Variants in SLC4A10 observed in about 807,000 individuals in gnomAD.
The protein encoded by SLC4A10 is sodium-driven chloride bicarbonate exchanger.
In SLC4A10, 42 loss-of-function variants were observed where a neutral mutation model predicts 137.7. The ratio of observed to expected loss-of-function variants is 0.30; its 90% confidence interval spans 0.24 to 0.39. The LOEUF (loss-of-function observed/expected upper bound fraction) is 0.39. Among genes scored for constraint, SLC4A10 ranks in the 10% least tolerant of loss-of-function variants. SLC4A10 has a pLI of 1.00. For synonymous variants in SLC4A10, 474 were observed against 464.1 expected (o/e 1.02, Z -0.27); for missense variants, 925 against 1,355.0 (o/e 0.68, Z 4.98).
chr2:161,790,376 C>T (rs958950421), intron 2 of SLC4A10, among the ~76,000 whole-genome samples: 5 of 152,080 alleles, frequency 3.3e-5, no homozygotes, highest in African/African-American at 9.7e-5. Flanking sequence ...TTATAATTTC[C>T]TTATTTCAAA....
chr2:161,752,155 T>C (rs971282), intron 1 of SLC4A10, among the ~76,000 whole-genome samples: 364 of 152,156 alleles, frequency 2.4e-3, no homozygotes, highest in African/African-American at 7.9e-3. Context: ...AAAAAGGAAG[T>C]ACATCTTGTG....
Position 161,965,179 on chromosome 2 carries a change from A to C in SLC4A10, c.3159+6A>C, listed in dbSNP as rs771508816. On this transcript the variant is annotated splice_donor_region_variant and intron_variant, in intron 23 of 26. Coordinates refer to ENST00000446997, the MANE Select transcript of SLC4A10 (RefSeq NM_001178015.2). ...TGGAAGATGCTGAAAAAGAAGTAAG[A>C]GCAAAATCAATGTTTTATAAAGAAA... 6 of 1,602,414 alleles carry C rather than the reference A, an allele frequency of 3.7e-6. No individual in the cohort carries two copies. In the African/African-American group the frequency reaches 6.7e-5, roughly 18 times the overall value.
At chr2:161,785,716 A>G (rs531341968) in intron 2 of SLC4A10, among the ~76,000 whole-genome samples, 58 of 152,000 alleles carry the variant, frequency 3.8e-4, no homozygotes, top group Admixed American at 1.0e-3. Context: ...ATATATGACA[A>G]TCCTACAGTT....
chr2:161,970,064 A>ATG (rs1351408652), intron 23 of SLC4A10, among the ~76,000 whole-genome samples: 4 of 152,322 alleles, frequency 2.6e-5, no homozygotes, highest in African/African-American at 9.6e-5. Context: ...GGATGGGGCC[A>ATG]ACCATCTCTG....
intron 1 of SLC4A10, among the ~76,000 whole-genome samples, chr2:161,699,629 T>C (rs186021885): frequency 1.3e-5 from 2 of 152,132 alleles, no homozygotes; most frequent in Non-Finnish European, 2.9e-5. Flanking sequence ...AAAGACAAGA[T>C]TAAGCCTAAA....
intron 2 of SLC4A10, among the ~76,000 whole-genome samples, chr2:161,801,366 T>C (rs563882766): frequency 6.6e-6 from 1 of 152,170 alleles, no homozygotes; most frequent in East Asian, 1.9e-4. Flanking sequence ...TTAATATATA[T>C]ATATTTTTGC....
intron 1 of SLC4A10, among the ~76,000 whole-genome samples, chr2:161,678,471 C>T (rs7603929): frequency 0.92 from 140,549 of 152,182 alleles, 64,942 homozygotes; most frequent in East Asian, 1. Flanking sequence ...TTTAAAAACT[C>T]TTATTGAGCT....
chr2:161,807,262 C>G (rs145422876), intron 3 of SLC4A10, among the ~76,000 whole-genome samples: 1 of 152,218 alleles, frequency 6.6e-6, no homozygotes, highest in East Asian at 1.9e-4. Context: ...CAAATGTGAA[C>G]CTTTTACTAT....
rs894493561 is a variant in SLC4A10 at position 161,774,857 on chromosome 2, A to G, written c.130+3803A>G. 2.0e-5 allele frequency among the ~76,000 whole-genome samples: 3 copies of G among 152,014 alleles called. No individual in the cohort carries two copies. The East Asian group carries it at 5.8e-4, about 30-fold the overall frequency. On this transcript the variant is annotated intron_variant, in intron 2 of 26. Coordinates refer to ENST00000446997, the MANE Select transcript of SLC4A10 (RefSeq NM_001178015.2). ...TATCTTCAACAGACTCCCTCAACAC[A>G]TATCTCAGAATCTGTTTCCTAGGAA...
intron 3 of SLC4A10, among the ~76,000 whole-genome samples, chr2:161,815,922 A>G (rs1352074512): frequency 6.6e-6 from 1 of 152,220 alleles, no homozygotes; most frequent in Middle Eastern, 3.4e-3. Flanking sequence ...CTTCAGTGAC[A>G]TTTAGACCTA....
At chr2:161,933,186 TCTTTCTTTCTTTCTTTCTTTCTTTCTTTC>T (rs1690791291) in intron 15 of SLC4A10, among the ~76,000 whole-genome samples, 1 of 29,164 alleles carries the variant, frequency 3.4e-5, no homozygotes. Context: ...TTCCTTCTTT[TCTTTCTTTCTTTCTTTCTTTCTTTCTTTC>T]TTTCTTTCTT....
chr2:161,813,306 C>T (rs1319669335), intron 3 of SLC4A10, among the ~76,000 whole-genome samples: 3 of 152,050 alleles, frequency 2.0e-5, no homozygotes, highest in Non-Finnish European at 4.4e-5. Context: ...TGTCAGTATG[C>T]TCCATGTTTC....
At chr2:161,768,635 A>T (rs1395025931) in intron 1 of SLC4A10, among the ~76,000 whole-genome samples, 2 of 151,878 alleles carry the variant, frequency 1.3e-5, no homozygotes, top group African/African-American at 4.8e-5. Context: ...TTTTTCTTCT[A>T]CAGATCATAT....
At chr2:161,813,010 T>C (rs766637231) in intron 3 of SLC4A10, among the ~76,000 whole-genome samples, 1 of 152,090 alleles carries the variant, frequency 6.6e-6, no homozygotes, top group Non-Finnish European at 1.5e-5. Flanking sequence ...TTTCATCCTA[T>C]TTTCTTTACA....
At chr2:161,804,646 G>A in intron 3 of SLC4A10, 51 bp downstream of exon 3, 1 of 1,496,262 alleles carries the variant, frequency 6.7e-7, no homozygotes, top group Non-Finnish European at 9.0e-7. Context: ...TAATATACTT[G>A]CTTATACAAT....
chr2:161,630,930 C>T (rs62187655), intron 1 of SLC4A10, among the ~76,000 whole-genome samples: 13 of 151,654 alleles, frequency 8.6e-5, no homozygotes, highest in Admixed American at 7.2e-4. Context: ...TCTCCCTTAA[C>T]GCTAATTAAA....
chr2:161,894,868 TG>T (rs2063284413), intron 11 of SLC4A10, 43 bp downstream of exon 11: 1 of 1,249,996 alleles, frequency 8.0e-7, no homozygotes, highest in South Asian at 2.8e-5. Flanking sequence ...AATTTTTTTT[TG>T]TCTTTTAAAT....
intron 1 of SLC4A10, among the ~76,000 whole-genome samples, chr2:161,753,533 C>T (rs928781078): frequency 5.3e-5 from 8 of 152,098 alleles, no homozygotes; most frequent in Non-Finnish European, 1.0e-4. Flanking sequence ...CACTCTAAGC[C>T]TCAGTTTCCC....
chr2:161,843,953 C>T lies in SLC4A10; in HGVS notation c.416+4026C>T, dbSNP rs573131199. ...GAATCATAATTATTTAATAAATGTT[C>T]GTAAAAACCAGCTGGTCACTTTTAA... On this transcript the variant is annotated intron_variant, in intron 4 of 26. Transcript: ENST00000446997. 5.3e-5 allele frequency among the ~76,000 whole-genome samples: 8 copies of T among 152,046 alleles called. No homozygotes were observed. The East Asian group carries it at 5.8e-4, about 11-fold the overall frequency.
Sources: gnomAD v4.1 joint callset for allele counts (sites outside exome capture counted in the v4.1 genomes callset) on GRCh38, gnomAD v4.1.1 for gene constraint, MANE v1.5 for transcripts, NCBI Gene and HGNC (gene_info 2026-07-23, HGNC 2026-07-21) for gene names.